The following SLC38A4 variants were observed in gnomAD, a reference collection of about 807,000 sequenced individuals.
SLC38A4 encodes the protein solute carrier family 38 member 4.
SLC38A4 carries 20 observed loss-of-function variants against 63.1 expected under a neutral mutation model. The ratio of observed to expected loss-of-function variants is 0.32; its 90% CI spans 0.22 to 0.46. The LOEUF (loss-of-function observed/expected upper bound fraction) is 0.46, where lower values mean the gene tolerates loss of function less well. Among genes scored for constraint, SLC38A4 ranks in the 20% least tolerant of loss-of-function variants. SLC38A4 has a pLI of 1.00. For missense variants in SLC38A4, 526 were observed against 663.6 expected, an observed-to-expected ratio of 0.79 and a Z score of 2.28; for synonymous variants, 230 against 225.5, an observed-to-expected ratio of 1.02 and a Z score of -0.18.
chr12:46,813,413 G>T (rs1218511247), intron 1 of SLC38A4, among the ~76,000 whole-genome samples: 2 of 151,948 alleles, frequency 1.3e-5, no homozygotes, highest in African/African-American at 2.4e-5. Context: ...TCTCAAATAT[G>T]GATCTGCCCA....
intron 2 of SLC38A4, among the ~76,000 whole-genome samples, chr12:46,802,070 G>A (rs1413285502): frequency 6.6e-6 from 1 of 152,018 alleles, no homozygotes; most frequent in Non-Finnish European, 1.5e-5. Flanking sequence ...TTACATGCTT[G>A]CTAATATAAG....
At chr12:46,827,266 T>C (rs1313175977), upstream of SLC38A4, among the ~76,000 whole-genome samples, 2 of 152,214 alleles carry the variant, frequency 1.3e-5, no homozygotes, top group African/African-American at 4.8e-5. Context: ...GAAATCACGC[T>C]ATCGAAAAAC....
intron 14 of SLC38A4, among the ~76,000 whole-genome samples, chr12:46,773,240 C>T (rs1938453872): frequency 6.6e-6 from 1 of 151,562 alleles, no homozygotes. Context: ...GCAGTTTATA[C>T]ATTTCAAGAC....
At chr12:46,812,616 G>A (rs1348923693) in intron 1 of SLC38A4, among the ~76,000 whole-genome samples, 1 of 151,970 alleles carries the variant, frequency 6.6e-6, no homozygotes, top group Non-Finnish European at 1.5e-5. Flanking sequence ...ACTATTGGTG[G>A]CAGCAGAAAA....
At chr12:46,770,385 T>C (rs904748958) in intron 14 of SLC38A4, among the ~76,000 whole-genome samples, 2 of 152,056 alleles carry the variant, frequency 1.3e-5, no homozygotes, top group Non-Finnish European at 2.9e-5. Flanking sequence ...TATCAATAGA[T>C]TGTAAATCTA....
chr12:46,788,467 G>C, intron 4 of SLC38A4, 61 bp downstream of exon 4: 1 of 1,327,424 alleles, frequency 7.5e-7, no homozygotes. Flanking sequence ...TTCCCACAGA[G>C]ACCTAGGTAG....
At chr12:46,807,949 T>C (rs1939266773) in intron 1 of SLC38A4, among the ~76,000 whole-genome samples, 1 of 148,708 alleles carries the variant, frequency 6.7e-6, no homozygotes, top group Non-Finnish European at 1.5e-5. Flanking sequence ...AGATCAATAA[T>C]TTTCTAATTT....
At chr12:46,780,561 G>C (rs1012246658) in intron 7 of SLC38A4, among the ~76,000 whole-genome samples, 1 of 151,840 alleles carries the variant, frequency 6.6e-6, no homozygotes, top group African/African-American at 2.4e-5. Context: ...ATTGATAAAA[G>C]AATACAAGAG....
chr12:46,800,807 T>G (rs1362093980), intron 2 of SLC38A4, among the ~76,000 whole-genome samples: 1 of 152,130 alleles, frequency 6.6e-6, no homozygotes, highest in East Asian at 1.9e-4. Context: ...CTAAGATAAA[T>G]GCAATTTGAT....
chr12:46,795,478 T>C (rs926329753), intron 2 of SLC38A4, among the ~76,000 whole-genome samples: 4 of 152,100 alleles, frequency 2.6e-5, no homozygotes, highest in African/African-American at 9.7e-5. Context: ...AAAGCAAATT[T>C]TCTATGCTCT....
chr12:46,793,212 A>G (rs921977895), intron 2 of SLC38A4, 29 bp from the exon 3 acceptor site: 2 of 522,694 alleles, frequency 3.8e-6, no homozygotes, highest in African/African-American at 3.9e-5. Context: ...ATACATCATT[A>G]TAATTTTATT....
chr12:46,772,656 G>A (rs1938442920), intron 14 of SLC38A4, among the ~76,000 whole-genome samples: 1 of 151,916 alleles, frequency 6.6e-6, no homozygotes, highest in Non-Finnish European at 1.5e-5. Flanking sequence ...CAGTTACTAT[G>A]CACCTTTTAC....
chr12:46,815,622 C>CT (rs1341818485), intron 1 of SLC38A4, among the ~76,000 whole-genome samples: 1 of 151,758 alleles, frequency 6.6e-6, no homozygotes, highest in Non-Finnish European at 1.5e-5. Context: ...ATAAAATCGC[C>CT]TAGGCACACA....
chr12:46,793,106 C>A lies in SLC38A4; in HGVS notation c.-35G>T. The A allele has an allele frequency of 6.8e-7, 1 of 1,467,252 alleles. No homozygotes were observed. Among genetic ancestry groups the A allele is most frequent in the Non-Finnish European group, 9.5e-7 (1 of 1,047,882 alleles). The allele number at this position is 1,467,252 out of a possible 1,614,324, so 90.9% of individuals were successfully genotyped here. ...CAGCGCTTTCTTGTCCACACACAAG[C>A]CCCTTCAGTGTAAATAATATACTGT... On this transcript the variant is annotated 5_prime_UTR_variant, in exon 3 of 17. Transcript: ENST00000266579.
At chr12:46,784,974 G>A (rs749465784) in intron 6 of SLC38A4, 130 bp downstream of exon 6, 14 of 832,256 alleles carry the variant, frequency 1.7e-5, no homozygotes, top group African/African-American at 8.6e-5. Context: ...CTGAGAGATC[G>A]TGTCACTGGG....
intron 1 of SLC38A4, among the ~76,000 whole-genome samples, chr12:46,817,614 G>T (rs1939466555): frequency 6.6e-6 from 1 of 151,770 alleles, no homozygotes; most frequent in African/African-American, 2.4e-5. Context: ...CTTACCTGAA[G>T]CCCCAGGAGC....
At position 46,777,046 on chromosome 12, in the gene SLC38A4, CA is replaced by C. The variant is rs199854256; in HGVS notation, c.1074-43del. The C allele has an allele frequency of 2.9e-4, 431 of 1,462,928 alleles. 1 individual carries two copies. Among genetic ancestry groups the C allele is most frequent in the African/African-American group, 1.5e-3 (100 of 68,584 alleles). The allele number at this position is 1,462,928 out of a possible 1,614,324, so 90.6% of individuals were successfully genotyped here. A position where few individuals can be genotyped will look rare whatever the true frequency, so the allele number is the denominator to read the frequency against. On this transcript the variant is annotated intron_variant, in intron 12 of 16. Transcript: ENST00000266579. The stretch of plus-strand genomic sequence containing the variant: ...CACCAAGCTTTGTTTTTTAAACTTA[CA>C]AAAAAAAATCACTTTTCAAAATGAA...
intron 2 of SLC38A4, among the ~76,000 whole-genome samples, chr12:46,799,474 T>G (rs1939086060): frequency 6.6e-6 from 1 of 152,080 alleles, no homozygotes; most frequent in South Asian, 2.1e-4. Flanking sequence ...TGGTGGCGCA[T>G]GCCTGTAGTC....
In SLC38A4 at chr12:46,821,104, C is replaced by T. The variant is rs531734670; in HGVS notation, c.-305+4799G>A. On this transcript the variant is annotated intron_variant, in intron 1 of 16. Coordinates refer to ENST00000266579, the MANE Select transcript of SLC38A4 (RefSeq NM_018018.5). ...GGTTTGCAAATACTTTCTCCCATTC[C>T]GCAGGTTGCCTTTTCATTCTATTGA... Among the ~76,000 whole-genome samples, 13 of 152,026 alleles carry T rather than the reference C, an allele frequency of 8.6e-5. No individual in the cohort carries two copies. In the East Asian group the frequency reaches 2.1e-3, roughly 25 times the overall value.
Sources: allele counts gnomAD v4.1 joint callset (sites outside exome capture counted in the v4.1 genomes callset), GRCh38; gene constraint gnomAD v4.1.1; transcripts MANE v1.5; gene names NCBI Gene and HGNC (gene_info 2026-07-23, HGNC 2026-07-21).